Variants in GRK5 observed in about 807,000 individuals in gnomAD.
GRK5 encodes the protein G protein-coupled receptor kinase 5.
In GRK5, 40 loss-of-function variants were observed where a neutral mutation model predicts 78.4. The ratio of observed to expected loss-of-function variants is 0.51; its 90% confidence interval spans 0.40 to 0.66. GRK5 has a LOEUF of 0.66. GRK5 is among the 30% of genes least tolerant of loss of function. The pLI is 0.00. For missense variants in GRK5, 598 were observed against 759.9 expected (o/e 0.79, Z 2.50); for synonymous variants, 289 against 296.8 (o/e 0.97, Z 0.27).
intron 1 of GRK5, among the ~76,000 whole-genome samples, chr10:119,285,434 G>A (rs1280696463): frequency 6.6e-6 from 1 of 152,196 alleles, no homozygotes; most frequent in African/African-American, 2.4e-5. Flanking sequence ...GGCCAGCCCT[G>A]GCCCAGACAG....
chr10:119,382,971 G>A (rs540280268), intron 3 of GRK5, among the ~76,000 whole-genome samples: 1 of 152,146 alleles, frequency 6.6e-6, no homozygotes, highest in South Asian at 2.1e-4. Context: ...GCCCAGGCTG[G>A]AGTACAGTGG....
Position 119,393,728 on chromosome 10 carries a change from A to G in GRK5, c.262-2967A>G, listed in dbSNP as rs187163079. On this transcript the variant is annotated intron_variant, in intron 3 of 15. Transcript: ENST00000392870. ...CGCCACTGCTGCCCCGTCGCTTGCT[A>G]GCTGTGCTGTATTGGAACCTCTTAG... 7.2e-5 allele frequency among the ~76,000 whole-genome samples: 11 copies of G among 152,322 alleles called. No individual in the cohort carries two copies. The East Asian group carries it at 1.7e-3, about 24-fold the overall frequency.
At chr10:119,287,132 G>A (rs1313303093) in intron 1 of GRK5, among the ~76,000 whole-genome samples, 1 of 148,268 alleles carries the variant, frequency 6.7e-6, no homozygotes, top group Non-Finnish European at 1.5e-5. Flanking sequence ...GAGAAGGCAG[G>A]GAGGGAAGGA....
intron 4 of GRK5, among the ~76,000 whole-genome samples, chr10:119,403,823 G>A (rs1258428239): frequency 1.3e-5 from 2 of 152,032 alleles, no homozygotes; most frequent in African/African-American, 4.8e-5. Context: ...TATTAGAGAT[G>A]GGGTTTTCGC....
chr10:119,384,537 C>T (rs778410258), intron 3 of GRK5, among the ~76,000 whole-genome samples: 3 of 152,160 alleles, frequency 2.0e-5, no homozygotes, highest in East Asian at 1.9e-4. Flanking sequence ...GAGTTCTTAC[C>T]GCTCACAACC....
At position 119,390,924 on chromosome 10, in the gene GRK5, G is replaced by T. The variant is rs575510243; in HGVS notation, c.262-5771G>T. ...GTGCTTATCACTTCCCCTGAGATGG[G>T]CGAGCCTGTCCCCTCCCTCTGAGAG... is the stretch of plus-strand genomic sequence containing the variant. On this transcript the variant is annotated intron_variant, in intron 3 of 15. Coordinates refer to ENST00000392870, the MANE Select transcript of GRK5 (RefSeq NM_005308.3). Among the ~76,000 whole-genome samples the T allele has an allele frequency of 8.0e-4, 122 of 152,190 alleles. 1 individual carries two copies. The highest frequency in any genetic ancestry group is 2.8e-3 in the African/African-American group (117 of 41,528).
chr10:119,241,687 T>C (rs892427981), intron 1 of GRK5, among the ~76,000 whole-genome samples: 7 of 152,208 alleles, frequency 4.6e-5, no homozygotes, highest in Non-Finnish European at 8.8e-5. Flanking sequence ...TTTGCCTTGA[T>C]TGTGGAATTG....
chr10:119,258,656 C>T (rs1323829202), intron 1 of GRK5, among the ~76,000 whole-genome samples: 2 of 152,090 alleles, frequency 1.3e-5, no homozygotes, highest in African/African-American at 4.8e-5. Context: ...GCCTCCCTTG[C>T]CTGTTTTAGT....
Position 119,452,873 on chromosome 10 carries a change from C to T in GRK5, c.1542+65C>T, listed in dbSNP as rs1048182116. On this transcript the variant is annotated intron_variant, in intron 14 of 15. Coordinates refer to ENST00000392870, the MANE Select transcript of GRK5 (RefSeq NM_005308.3). The surrounding 1 kb of genome is among the most constrained non-coding windows in gnomAD (Gnocchi z 4.4). The stretch of plus-strand genomic sequence containing the variant: ...GGAGGGACTGACGGGTGGAAGGAGG[C>T]GTCGGGAATATGAGTTTGGCGGCAG... 1.7e-5 allele frequency: 25 copies of T among 1,492,136 alleles called. No homozygotes were observed. In the South Asian group the frequency reaches 2.2e-4, roughly 13 times the overall value. The allele number at this position is 1,492,136 out of a possible 1,614,324, so 92.4% of individuals were successfully genotyped here. A position where few individuals can be genotyped will look rare whatever the true frequency, so the allele number is the denominator to read the frequency against.
chr10:119,372,187 G>T (rs997370084), intron 2 of GRK5, among the ~76,000 whole-genome samples: 1 of 152,178 alleles, frequency 6.6e-6, no homozygotes, highest in African/African-American at 2.4e-5. Context: ...CCAAGCCTGT[G>T]CTTGTTCGCC....
At chr10:119,283,703 G>A (rs1203253535) in intron 1 of GRK5, among the ~76,000 whole-genome samples, 1 of 152,178 alleles carries the variant, frequency 6.6e-6, no homozygotes, top group Non-Finnish European at 1.5e-5. Context: ...AGATCCCAGA[G>A]TCATCAAGGG....
In GRK5 at chr10:119,454,962, A is replaced by AC; in HGVS notation, c.1675-3dup. The AC allele has an allele frequency of 6.2e-7, 1 of 1,607,430 alleles. No individual in the cohort carries two copies. The highest frequency in any genetic ancestry group is 8.5e-7 in the Non-Finnish European group (1 of 1,174,620). ...CTCCACCCCGTCTCCCCCAACCCCA[A>AC]CCCCAGCATCAGAACAATTCCAAGA... On this transcript the variant is annotated splice_region_variant and splice_polypyrimidine_tract_variant and intron_variant, in intron 15 of 15. Coordinates refer to ENST00000392870, the MANE Select transcript of GRK5 (RefSeq NM_005308.3).
chr10:119,414,242 G>A (rs1013518757), intron 4 of GRK5, among the ~76,000 whole-genome samples: 1 of 152,246 alleles, frequency 6.6e-6, no homozygotes, highest in African/African-American at 2.4e-5. Flanking sequence ...AGCCCTAAGT[G>A]CTTGCGTCTG....
intron 4 of GRK5, among the ~76,000 whole-genome samples, chr10:119,414,401 G>C (rs141837706): frequency 2.3e-4 from 35 of 152,310 alleles, no homozygotes; most frequent in African/African-American, 8.2e-4. Flanking sequence ...GAGAGAGAGA[G>C]ACACATGACA....
intron 2 of GRK5, among the ~76,000 whole-genome samples, chr10:119,342,863 G>A (rs373546896): frequency 2.0e-5 from 3 of 152,012 alleles, no homozygotes; most frequent in East Asian, 1.9e-4. Flanking sequence ...TTTATTTACT[G>A]ACTCTCGGCA....
intron 1 of GRK5, among the ~76,000 whole-genome samples, chr10:119,263,117 C>T (rs941622955): frequency 2.6e-5 from 4 of 152,126 alleles, no homozygotes; most frequent in East Asian, 1.9e-4. Context: ...AAGCCATTCT[C>T]CTGCCTCAGC....
In GRK5 at chr10:119,378,503, C is replaced by T. The variant is rs1851659999; in HGVS notation, c.149-2312C>T. Reference sequence around the variant, plus strand: ...CGAATTCCTCCCAAAAAAACCTTGCCCTCAGGTAGGTTACCCATGAAAGAA... The same window carrying T: ...CGAATTCCTCCCAAAAAAACCTTGCTCTCAGGTAGGTTACCCATGAAAGAA... On this transcript the variant is annotated intron_variant, in intron 2 of 15. Coordinates refer to ENST00000392870, the MANE Select transcript of GRK5 (RefSeq NM_005308.3). The surrounding 1 kb of genome is among the most constrained non-coding windows in gnomAD (Gnocchi z 4.5). 1.3e-5 allele frequency among the ~76,000 whole-genome samples: 2 copies of T among 152,242 alleles called. No homozygotes were observed. The highest frequency in any genetic ancestry group is 1.3e-4 in the Admixed American group (2 of 15,292).
intron 1 of GRK5, among the ~76,000 whole-genome samples, chr10:119,237,336 T>C (rs1412481542): frequency 6.6e-6 from 1 of 152,250 alleles, no homozygotes; most frequent in African/African-American, 2.4e-5. Flanking sequence ...GTGCTGGGAT[T>C]ACAGGCGTAA....
At chr10:119,323,514 C>T (rs550489944) in intron 1 of GRK5, among the ~76,000 whole-genome samples, 14 of 152,174 alleles carry the variant, frequency 9.2e-5, no homozygotes, top group Admixed American at 5.2e-4. Context: ...CCTATCTGGG[C>T]GTGCACAGAA....
Sources: allele counts gnomAD v4.1 joint callset (sites outside exome capture counted in the v4.1 genomes callset), GRCh38; gene constraint gnomAD v4.1.1; non-coding constraint Gnocchi (gnomAD v3.1); transcripts MANE v1.5; gene names NCBI Gene and HGNC (gene_info 2026-07-23, HGNC 2026-07-21).